ATP8B4: variants seen among roughly 807,000 people sequenced by gnomAD.
ATP8B4 encodes ATPase phospholipid transporting 8B4 (putative).
ATP8B4 carries 133 observed loss-of-function variants against 145.6 expected under a neutral mutation model. The ratio of observed to expected loss-of-function variants is 0.91; its 90% CI spans 0.79 to 1.05. The LOEUF is 1.05. Among genes scored for constraint, ATP8B4 ranks in the 50% least tolerant of loss-of-function variants. The pLI, the probability that ATP8B4 is intolerant of heterozygous loss-of-function variation, is 0.00. For synonymous variants in ATP8B4, 507 were observed against 492.9 expected (o/e 1.03, Z -0.38); for missense variants, 1,458 against 1,425.2 (o/e 1.02, Z -0.37).
At chr15:49,945,990 T>C (rs1401000296) in intron 14 of ATP8B4, among the ~76,000 whole-genome samples, 2 of 152,044 alleles carry the variant, frequency 1.3e-5, no homozygotes, top group Non-Finnish European at 2.9e-5. Context: ...ATACTAGTAG[T>C]CCTAGCCAGT....
intron 1 of ATP8B4, among the ~76,000 whole-genome samples, chr15:50,178,147 A>G (rs1478673088): frequency 1.3e-5 from 2 of 152,206 alleles, no homozygotes; most frequent in African/African-American, 4.8e-5. Context: ...CTGGATAGAA[A>G]GTTTAAGGAA....
At chr15:50,051,922 A>T (rs2052213788) in intron 3 of ATP8B4, among the ~76,000 whole-genome samples, 1 of 152,234 alleles carries the variant, frequency 6.6e-6, no homozygotes, top group East Asian at 1.9e-4. Context: ...TTAGCATGAC[A>T]TATAGCAATG....
intron 5 of ATP8B4, among the ~76,000 whole-genome samples, chr15:50,043,247 T>C (rs2051444692): frequency 6.6e-6 from 1 of 152,220 alleles, no homozygotes; most frequent in East Asian, 1.9e-4. Flanking sequence ...TTCCCAAGAC[T>C]ATGTTTTGTC....
chr15:50,108,499 C>T (rs2056792562), intron 1 of ATP8B4, among the ~76,000 whole-genome samples: 1 of 152,170 alleles, frequency 6.6e-6, no homozygotes. Context: ...CATCACTCTC[C>T]TTCCCTGCTC....
rs553678461 is a variant in ATP8B4 at position 50,036,169 on chromosome 15, A to C, written c.362+2599T>G. On this transcript the variant is annotated intron_variant, in intron 6 of 27. Coordinates refer to ENST00000284509, the MANE Select transcript of ATP8B4 (RefSeq NM_024837.4). ...ATGAGTATTCACATGCAAGTGGTTC[A>C]TTAAGAAAGTATTTCTAGGAGAAAC... 1.7e-4 allele frequency among the ~76,000 whole-genome samples: 26 copies of C among 152,324 alleles called. No individual in the cohort carries two copies. The South Asian group carries it at 4.8e-3, about 28-fold the overall frequency.
At chr15:50,078,083 T>C (rs2054297569) in intron 2 of ATP8B4, among the ~76,000 whole-genome samples, 1 of 152,064 alleles carries the variant, frequency 6.6e-6, no homozygotes, top group Admixed American at 6.5e-5. Flanking sequence ...GAAATAATGC[T>C]GAATACAGGT....
intron 17 of ATP8B4, among the ~76,000 whole-genome samples, chr15:49,922,581 G>C (rs2153456627): frequency 6.6e-6 from 1 of 152,072 alleles, no homozygotes; most frequent in South Asian, 2.1e-4. Context: ...TAAATATAGG[G>C]TCTGACAAAG....
At chr15:50,078,483 C>T (rs756771785) in intron 2 of ATP8B4, among the ~76,000 whole-genome samples, 18 of 150,558 alleles carry the variant, frequency 1.2e-4, no homozygotes, top group South Asian at 2.1e-4. Context: ...ATGGACAAGA[C>T]GAAAGAACAG....
chr15:49,979,567 A>T, intron 12 of ATP8B4, 50 bp downstream of exon 12: 1 of 1,339,282 alleles, frequency 7.5e-7, no homozygotes, highest in Non-Finnish European at 9.9e-7. Context: ...AATATTGGAA[A>T]CAAAGGTTTT....
chr15:49,917,637 T>C (rs763014316), intron 19 of ATP8B4, among the ~76,000 whole-genome samples: 6 of 152,258 alleles, frequency 3.9e-5, no homozygotes, highest in South Asian at 2.1e-4. Flanking sequence ...GAGAATCAGA[T>C]GGTGTTGGGT....
chr15:50,093,228 C>T (rs2055726417), intron 2 of ATP8B4, among the ~76,000 whole-genome samples: 1 of 151,710 alleles, frequency 6.6e-6, no homozygotes, highest in South Asian at 2.1e-4. Flanking sequence ...AGAAGAAAAA[C>T]TATTCTAGAT....
At chr15:49,907,224 CT>C (rs2038719794) in intron 20 of ATP8B4, among the ~76,000 whole-genome samples, 1 of 152,174 alleles carries the variant, frequency 6.6e-6, no homozygotes, top group African/African-American at 2.4e-5. Context: ...CTAAATTTAA[CT>C]GAAAATGCCT....
chr15:49,916,438 A>T (rs2039746894), intron 20 of ATP8B4, among the ~76,000 whole-genome samples: 1 of 152,174 alleles, frequency 6.6e-6, no homozygotes, highest in South Asian at 2.1e-4. Context: ...GAAAGACTCT[A>T]TTCCATCTTT....
intron 6 of ATP8B4, among the ~76,000 whole-genome samples, chr15:50,013,437 T>C (rs1030283569): frequency 3.3e-5 from 5 of 152,128 alleles, no homozygotes; most frequent in African/African-American, 7.2e-5. Flanking sequence ...TTGCAGTATA[T>C]GAATATTCTG....
At chr15:50,103,368 C>T (rs2056485486) in intron 2 of ATP8B4, among the ~76,000 whole-genome samples, 1 of 152,102 alleles carries the variant, frequency 6.6e-6, no homozygotes, top group Admixed American at 6.6e-5. Flanking sequence ...CAAAAAGCTC[C>T]TAGAAACGGT....
At chr15:49,989,755 T>C (rs2046906358) in intron 9 of ATP8B4, among the ~76,000 whole-genome samples, 1 of 152,102 alleles carries the variant, frequency 6.6e-6, no homozygotes, top group Non-Finnish European at 1.5e-5. Context: ...AAAGCCAAAC[T>C]ACATTTGTTT....
intron 6 of ATP8B4, among the ~76,000 whole-genome samples, chr15:50,022,098 G>C (rs2049622426): frequency 6.6e-6 from 1 of 152,138 alleles, no homozygotes; most frequent in African/African-American, 2.4e-5. Flanking sequence ...AAGGAAAAAA[G>C]TGGAAAGCAA....
chr15:50,019,096 G>C (rs1159467291), intron 6 of ATP8B4: 4 of 511,790 alleles, frequency 7.8e-6, no homozygotes, highest in South Asian at 4.6e-5. Flanking sequence ...TGTCCTTTGA[G>C]GATGACTTTT....
At chr15:49,918,321 G>C (rs2039942470) in intron 19 of ATP8B4, among the ~76,000 whole-genome samples, 2 of 152,198 alleles carry the variant, frequency 1.3e-5, no homozygotes, top group African/African-American at 4.8e-5. Flanking sequence ...CACTGTTACA[G>C]CTGTAGTAGT....
Sources: allele counts gnomAD v4.1 joint callset (sites outside exome capture counted in the v4.1 genomes callset), GRCh38; gene constraint gnomAD v4.1.1; transcripts MANE v1.5; gene names NCBI Gene and HGNC (gene_info 2026-07-23, HGNC 2026-07-21).